Variants in CNTLN observed in about 807,000 individuals in gnomAD.
CNTLN encodes the protein centlein, centrosomal protein.
A neutral mutation model predicts 180.0 loss-of-function variants in CNTLN; 212 were observed. The observed-to-expected ratio is 1.18, with a 90% confidence interval of 1.05 to 1.32. CNTLN has a LOEUF of 1.32. Among genes scored for constraint, CNTLN ranks in the 40% most tolerant of loss-of-function variants. The pLI is 0.00. For missense variants in CNTLN, 2,095 were observed against 1,610.9 expected, an observed-to-expected ratio of 1.30 and a Z score of -5.14; for synonymous variants, 722 against 563.1, an observed-to-expected ratio of 1.28 and a Z score of -3.99.
rs1386642276 is a variant in CNTLN at position 17,464,569 on chromosome 9, A to G, written c.3477A>G (p.Val1159=). The change falls in exon 21 of 26, where the codon GTA becomes GTG. Residue 1159 remains valine (V), a synonymous_variant. Coordinates refer to ENST00000380647, the MANE Select transcript of CNTLN (RefSeq NM_017738.4). ...LIEDLKFRQK[V]NLESNKSFSE... ...AGGACTTGAAATTTCGACAGAAAGT[A>G]AATTTGGAAAGTAACAAGAGTTTTA... is the stretch of plus-strand genomic sequence containing the variant. 6.6e-7 allele frequency: 1 copy of G among 1,519,028 alleles called. No homozygotes were observed. 94.1% of individuals were successfully genotyped at this position (1,519,028 alleles called of 1,614,324 possible). A position where few individuals can be genotyped will look rare whatever the true frequency, so the allele number is the denominator to read the frequency against.
chr9:17,388,906 C>G (rs1207730357), intron 14 of CNTLN, among the ~76,000 whole-genome samples: 2 of 151,674 alleles, frequency 1.3e-5, no homozygotes, highest in African/African-American at 2.4e-5. Flanking sequence ...ACATTGTTAT[C>G]AAGTTCAATT....
rs554299161 is a variant in CNTLN at position 17,149,644 on chromosome 9, A to G, written c.449+6268A>G. ...GCCATTCTCCTGCCTCAGCCCCCCA[A>G]GTAGCTGGGACTATAGGCGCCCGCC... On this transcript the variant is annotated intron_variant, in intron 2 of 25. Transcript: ENST00000380647. 2.7e-5 allele frequency among the ~76,000 whole-genome samples: 4 copies of G among 150,438 alleles called. No individual in the cohort carries two copies. In the East Asian group the frequency reaches 7.8e-4, roughly 29 times the overall value.
At chr9:17,210,067 ATTTAT>A (rs1823185361) in intron 2 of CNTLN, among the ~76,000 whole-genome samples, 1 of 152,036 alleles carries the variant, frequency 6.6e-6, no homozygotes, top group African/African-American at 2.4e-5. Flanking sequence ...TTATTTATTT[ATTTAT>A]TTTTATTACA....
At chr9:17,353,371 C>T (rs1332509154) in intron 12 of CNTLN, among the ~76,000 whole-genome samples, 2 of 150,656 alleles carry the variant, frequency 1.3e-5, no homozygotes, top group Non-Finnish European at 2.9e-5. Flanking sequence ...ACATCCTCAC[C>T]AATACTTGTT....
intron 25 of CNTLN, among the ~76,000 whole-genome samples, chr9:17,496,796 C>G (rs1305211789): frequency 6.6e-6 from 1 of 152,142 alleles, no homozygotes; most frequent in Non-Finnish European, 1.5e-5. Context: ...GCGTGTATAT[C>G]TCACCTAGTC....
intron 2 of CNTLN, among the ~76,000 whole-genome samples, chr9:17,156,435 G>C (rs1335340882): frequency 6.6e-6 from 1 of 151,990 alleles, no homozygotes; most frequent in Non-Finnish European, 1.5e-5. Context: ...TTGTTCCTAG[G>C]AGGATCAAAC....
the CNTLN span, among the ~76,000 whole-genome samples, chr9:17,523,010 A>T: frequency 1.8e-4 from 28 of 152,122 alleles, no homozygotes; most frequent in Admixed American, 1.1e-3. Flanking sequence ...CACTGAGTAA[A>T]AGGTACGAAT....
At chr9:17,236,040 A>G (rs960317187) in intron 4 of CNTLN, among the ~76,000 whole-genome samples, 1 of 152,226 alleles carries the variant, frequency 6.6e-6, no homozygotes, top group African/African-American at 2.4e-5. Flanking sequence ...GAGTGTGAAT[A>G]TGTGGCTTCT....
intron 5 of CNTLN, among the ~76,000 whole-genome samples, chr9:17,249,814 G>A (rs898097360): frequency 6.6e-5 from 10 of 150,486 alleles, no homozygotes; most frequent in Admixed American, 2.0e-4. Context: ...GTGTCCTGGT[G>A]AATGTTTCAT....
chr9:17,312,656 G>A (rs1263325545), intron 8 of CNTLN, among the ~76,000 whole-genome samples: 2 of 143,942 alleles, frequency 1.4e-5, no homozygotes, highest in African/African-American at 5.2e-5. Context: ...ACCCACCTCC[G>A]CCTCCCAAAG....
At chr9:17,398,600 C>T (rs1826719503) in intron 15 of CNTLN, among the ~76,000 whole-genome samples, 1 of 152,156 alleles carries the variant, frequency 6.6e-6, no homozygotes, top group South Asian at 2.1e-4. Flanking sequence ...CACATTGGTT[C>T]CAACTGATTT....
chr9:17,307,668 T>G (rs1452594740), intron 7 of CNTLN, among the ~76,000 whole-genome samples: 12 of 151,972 alleles, frequency 7.9e-5, no homozygotes, highest in Non-Finnish European at 1.6e-4. Context: ...TGTGACAAAA[T>G]TATGTTTCAG....
intron 5 of CNTLN, among the ~76,000 whole-genome samples, chr9:17,258,995 A>G (rs933226166): frequency 1.3e-5 from 2 of 150,644 alleles, no homozygotes; most frequent in African/African-American, 5.0e-5. Context: ...GCCTGGCCAG[A>G]ACTTCCAACA....
At chr9:17,199,230 G>A (rs1264311278) in intron 2 of CNTLN, among the ~76,000 whole-genome samples, 2 of 12,640 alleles carry the variant, frequency 1.6e-4, no homozygotes, top group African/African-American at 2.7e-4. Context: ...TTTTTTTTTT[G>A]AGACAGAGTC....
rs1832927821 is a variant in CNTLN at position 17,487,077 on chromosome 9, T to TA, written c.4119+11_4119+12insA. ...CTTCTTGAAGGACAGGTATTTCATT[T>TA]TTCTGTTTCATATATTAAGCTTCCA... On this transcript the variant is annotated intron_variant, in intron 25 of 25. Transcript: ENST00000380647. The TA allele has an allele frequency of 1.3e-6, 2 of 1,564,620 alleles. No homozygotes were observed. The highest frequency in any genetic ancestry group is 2.7e-5 in the African/African-American group (2 of 73,758).
In CNTLN at chr9:17,349,807, G is replaced by A. The variant is rs531488189; in HGVS notation, c.1886+7363G>A. Among the ~76,000 whole-genome samples the A allele has an allele frequency of 2.8e-4, 42 of 152,288 alleles. 1 individual carries two copies. Among genetic ancestry groups the A allele is most frequent in the African/African-American group, 9.9e-4 (41 of 41,552 alleles). ...CCTTCAGTATTTAATGAGCATTCATGTGTTCATTTATTCATTCATTCAATA... is the reference window on the plus strand; with the variant it reads ...CCTTCAGTATTTAATGAGCATTCATATGTTCATTTATTCATTCATTCAATA... On this transcript the variant is annotated intron_variant, in intron 12 of 25. Transcript: ENST00000380647.
intron 18 of CNTLN, among the ~76,000 whole-genome samples, chr9:17,416,533 C>T (rs1211689841): frequency 1.3e-5 from 2 of 152,084 alleles, no homozygotes; most frequent in African/African-American, 4.8e-5. Context: ...ATAGCTTACC[C>T]GTTTGCCTAT....
chr9:17,162,586 A>G (rs903776783), intron 2 of CNTLN, among the ~76,000 whole-genome samples: 1 of 152,250 alleles, frequency 6.6e-6, no homozygotes, highest in African/African-American at 2.4e-5. Context: ...AGTGGTCTTC[A>G]GGGAATCACC....
intron 5 of CNTLN, among the ~76,000 whole-genome samples, chr9:17,268,263 C>A (rs1370897256): frequency 1.3e-5 from 2 of 152,168 alleles, no homozygotes; most frequent in African/African-American, 4.8e-5. Context: ...CAGACAGGAC[C>A]CTCAGCTGCA....
Sources: gnomAD v4.1 joint callset for allele counts (sites outside exome capture counted in the v4.1 genomes callset) on GRCh38, gnomAD v4.1.1 for gene constraint, MANE v1.5 for transcripts, NCBI Gene and HGNC (gene_info 2026-07-23, HGNC 2026-07-21) for gene names.